ATG4B: variants seen among roughly 807,000 people sequenced by gnomAD.
ATG4B encodes the protein autophagy related 4B cysteine peptidase.
ATG4B carries 29 observed loss-of-function variants against 56.6 expected under a neutral mutation model. The ratio of observed to expected loss-of-function variants is 0.51; its 90% CI spans 0.38 to 0.70. ATG4B has a LOEUF of 0.70. Ranked by LOEUF, ATG4B falls within the 30% of genes least tolerant of loss-of-function variation. The probability of loss-of-function intolerance (pLI) is 0.00; values close to 1 mark genes in which losing one functional copy is unlikely to be tolerated. For missense variants in ATG4B, 461 were observed against 515.5 expected, an observed-to-expected ratio of 0.89 and a Z score of 1.02; for synonymous variants, 224 against 206.1, an observed-to-expected ratio of 1.09 and a Z score of -0.74.
In ATG4B at chr2:241,666,760, A is replaced by G. The variant is rs186573415; in HGVS notation, c.654A>G (p.Pro218=). The G allele has an allele frequency of 6.2e-4, 989 of 1,603,176 alleles. 8 individuals carry two copies. The East Asian group carries it at 0.014, about 23-fold the overall frequency. Residue 218 remains proline, a synonymous_variant, in exon 8 of 13, where the codon CCA becomes CCG. Transcript: ENST00000404914. ...CTGAGGTCACCAACAGGCCGTCGCC[A>G]TGGAGACCCCTGGTACTTCTCATTC... The part of the protein sequence containing the change: ...AGAEVTNRPS[P]WRPLVLLIPL...
At chr2:241,653,698 C>A (rs2068292823) in intron 4 of ATG4B, 88 bp downstream of exon 4, 6 of 1,186,144 alleles carry the variant, frequency 5.1e-6, no homozygotes, top group Non-Finnish European at 7.2e-6. Context: ...TAGAGCAGAC[C>A]ACAGGTAAAA....
intron 3 of ATG4B, chr2:241,652,010 C>G: frequency 3.1e-6 from 4 of 1,292,848 alleles, no homozygotes; most frequent in Non-Finnish European, 4.1e-6. Flanking sequence ...TCCTCAGTGC[C>G]AGGTCAGGGT....
At chr2:241,665,085 A>G (rs1299872585) in intron 7 of ATG4B, among the ~76,000 whole-genome samples, 2 of 152,220 alleles carry the variant, frequency 1.3e-5, no homozygotes, top group African/African-American at 4.8e-5. Flanking sequence ...GCACCACTGC[A>G]CTGCAGCCTG....
chr2:241,670,166 A>G (rs1000051025), intron 10 of ATG4B, among the ~76,000 whole-genome samples: 2 of 152,188 alleles, frequency 1.3e-5, no homozygotes, highest in Non-Finnish European at 2.9e-5. Flanking sequence ...ACATCTGCGC[A>G]TCTGGCAGCG....
intron 1 of ATG4B, among the ~76,000 whole-genome samples, chr2:241,637,986 A>C (rs940849332): frequency 1.3e-5 from 2 of 151,206 alleles, no homozygotes; most frequent in African/African-American, 2.4e-5. Flanking sequence ...TCCCGTCCGG[A>C]GCGCTCCGGA....
At chr2:241,647,338 G>T (rs2068091594) in intron 1 of ATG4B, among the ~76,000 whole-genome samples, 1 of 149,222 alleles carries the variant, frequency 6.7e-6, no homozygotes, top group East Asian at 2.1e-4. Flanking sequence ...ACCGGTGGTG[G>T]CCAGGCGCAG....
chr2:241,643,662 ACGTG>A (rs113314897), intron 1 of ATG4B, among the ~76,000 whole-genome samples: 1 of 64,870 alleles, frequency 1.5e-5, no homozygotes, highest in African/African-American at 1.2e-4. Context: ...ATATATATAT[ACGTG>A]TGTGTGTGTG....
chr2:241,642,587 C>G (rs577937516), intron 1 of ATG4B, among the ~76,000 whole-genome samples: 2 of 150,978 alleles, frequency 1.3e-5, no homozygotes, highest in Admixed American at 1.3e-4. Context: ...TTGTAGTCCT[C>G]TCTGGTTGAA....
At chr2:241,648,793 C>A (rs2068141204) in intron 1 of ATG4B, among the ~76,000 whole-genome samples, 1 of 152,106 alleles carries the variant, frequency 6.6e-6, no homozygotes, top group Non-Finnish European at 1.5e-5. Context: ...CTGTAGGGCC[C>A]TCTATTGTGG....
At chr2:241,654,779 T>G in intron 5 of ATG4B, 132 bp downstream of exon 5, 1 of 701,036 alleles carries the variant, frequency 1.4e-6, no homozygotes, top group Non-Finnish European at 2.5e-6. Context: ...AACACTGACC[T>G]CTGACCATCT....
chr2:241,668,633 A>G lies in ATG4B; in HGVS notation c.905A>G (p.Gln302Arg), dbSNP rs1207708414. Residue 302 changes from glutamine (Q) to arginine (R), a missense_variant, in exon 10 of 13, where the codon CAG (glutamine) becomes CGG (arginine). By Grantham distance (43) the Gln-to-Arg change is conservative. Transcript: ENST00000404914. The surrounding 1 kb of genome is among the most constrained non-coding windows in gnomAD (Gnocchi z 4.2). The part of the protein sequence containing the change: ...CFIPDESFHC[Q>R]HPPCRMSIAE... ...ATCCCGGACGAGAGCTTCCACTGCCAGCACCCGCCGTGCCGCATGAGCATC... is the reference window on the plus strand; with the variant it reads ...ATCCCGGACGAGAGCTTCCACTGCCGGCACCCGCCGTGCCGCATGAGCATC... 3 of 1,579,118 alleles carry G rather than the reference A, an allele frequency of 1.9e-6. No individual in the cohort carries two copies. Among genetic ancestry groups the G allele is most frequent in the Admixed American group, 1.8e-5 (1 of 55,914 alleles).
At position 241,659,143 on chromosome 2, in the gene ATG4B, C is replaced by T. The variant is rs746223694; in HGVS notation, c.494C>T (p.Ala165Val). Residue 165 changes from alanine to valine, a missense_variant, in exon 7 of 13, where the codon GCG becomes GTG. Coordinates refer to ENST00000404914, the MANE Select transcript of ATG4B (RefSeq NM_013325.5). Reference sequence around the variant, plus strand: ...GTCTTCGATACGTGGAGCTCCTTGGCGGTCCACATTGCAATGGACAACACT... The same window carrying T: ...GTCTTCGATACGTGGAGCTCCTTGGTGGTCCACATTGCAATGGACAACACT... ...LAVFDTWSSL[A>V]VHIAMDNTVV... 100 of 1,612,496 alleles carry T rather than the reference C, an allele frequency of 6.2e-5. No individual in the cohort carries two copies. The highest frequency in any genetic ancestry group is 8.1e-5 in the Non-Finnish European group (96 of 1,178,884).
At chr2:241,671,801 G>A (rs2068981169) in intron 12 of ATG4B, 2 of 1,275,244 alleles carry the variant, frequency 1.6e-6, no homozygotes, top group Admixed American at 6.7e-5. Context: ...CGTGCCGCAG[G>A]AGCCGGCCTG....
Position 241,651,805 on chromosome 2 carries a change from C to T in ATG4B, c.184+470C>T. On this transcript the variant is annotated intron_variant, in intron 3 of 12. Transcript: ENST00000404914. The surrounding 1 kb of genome is among the most constrained non-coding windows in gnomAD (Gnocchi z 4.1). Reference sequence around the variant, plus strand: ...CTCATCTTTTTTAGTATTTTCCACACTTAACCTGTGGGGAGATTTGAAGGG... The same window carrying T: ...CTCATCTTTTTTAGTATTTTCCACATTTAACCTGTGGGGAGATTTGAAGGG... The T allele has an allele frequency of 1.0e-6, 1 of 1,001,044 alleles. No individual in the cohort carries two copies. Among genetic ancestry groups the T allele is most frequent in the South Asian group, 1.4e-5 (1 of 73,590 alleles). 62.0% of individuals were successfully genotyped at this position (1,001,044 alleles called of 1,614,324 possible).
In ATG4B at chr2:241,654,592, C is replaced by T. The variant is rs375063936; in HGVS notation, c.330C>T (p.Ser110=). The change falls in exon 5 of 13, where the codon AGC becomes AGT. Residue 110 remains serine, a synonymous_variant. Transcript: ENST00000404914. ...AGAGGCAGCCAGACAGCTACTTCAG[C>T]GTCCTCAACGCATTCATCGACAGGA... The part of the protein sequence containing the change: ...QRKRQPDSYF[S]VLNAFIDRKD... The T allele has an allele frequency of 1.4e-5, 22 of 1,602,994 alleles. No individual in the cohort carries two copies. Among genetic ancestry groups the T allele is most frequent in the Non-Finnish European group, 1.8e-5 (21 of 1,174,842 alleles).
In ATG4B at chr2:241,672,342, CGCCTGCCGAGGGCTGCGCCCCGTGCT is replaced by C. The variant is rs2069007369; in HGVS notation, c.*83_*108del. 3.7e-6 allele frequency: 5 copies of C among 1,342,524 alleles called. No individual in the cohort carries two copies. Among genetic ancestry groups the C allele is most frequent in the Non-Finnish European group, 5.2e-6 (5 of 962,556 alleles). The allele number at this position is 1,342,524 out of a possible 1,614,324, so 83.2% of individuals were successfully genotyped here. ...CTGCGTTTCATCCATCCCGCCCGCT[CGCCTGCCGAGGGCTGCGCCCCGTGCT>C]GCCTCCCCCCAGAGGGCCACCCGCT... On this transcript the variant is annotated 3_prime_UTR_variant, in exon 13 of 13. Coordinates refer to ENST00000404914, the MANE Select transcript of ATG4B (RefSeq NM_013325.5).
intron 1 of ATG4B, among the ~76,000 whole-genome samples, chr2:241,642,332 T>G (rs1460763943): frequency 6.6e-6 from 1 of 152,076 alleles, no homozygotes; most frequent in Non-Finnish European, 1.5e-5. Context: ...TTCCTTTCTC[T>G]CTTTCTCTGT....
rs140366780 is a variant in ATG4B, at chr2:241,658,587, C to G, written c.459-521C>G. Among the ~76,000 whole-genome samples the G allele has an allele frequency of 1.1e-3, 164 of 152,354 alleles. 1 individual carries two copies. Among genetic ancestry groups the G allele is most frequent in the African/African-American group, 3.8e-3 (156 of 41,576 alleles). ...CTTTTGGCTGCAGAATCTGCCCTTC[C>G]CTCAGAAGGGGAAATCCAAGGCCAT... On this transcript the variant is annotated intron_variant, in intron 6 of 12. Coordinates refer to ENST00000404914, the MANE Select transcript of ATG4B (RefSeq NM_013325.5).
At chr2:241,648,946 T>C (rs1051316915) in intron 1 of ATG4B, among the ~76,000 whole-genome samples, 1 of 152,242 alleles carries the variant, frequency 6.6e-6, no homozygotes, top group Non-Finnish European at 1.5e-5. Flanking sequence ...GAGTCCTCGA[T>C]GTTAATGACA....
Sources: allele counts gnomAD v4.1 joint callset (sites outside exome capture counted in the v4.1 genomes callset), GRCh38; gene constraint gnomAD v4.1.1; non-coding constraint Gnocchi (gnomAD v3.1); transcripts MANE v1.5; gene names NCBI Gene and HGNC (gene_info 2026-07-23, HGNC 2026-07-21).